The following PSMD11 variants were observed in gnomAD, a reference collection of about 807,000 sequenced individuals.
PSMD11 encodes proteasome 26S subunit, non-ATPase 11.
In PSMD11, 5 loss-of-function variants were observed where a neutral mutation model predicts 62.3. The ratio of observed to expected loss-of-function variants is 0.08; its 90% CI spans 0.04 to 0.17. PSMD11 has a LOEUF of 0.17. PSMD11 is among the 10% of genes least tolerant of loss of function. PSMD11 has a pLI of 1.00. For synonymous variants in PSMD11, 191 were observed against 191.8 expected (o/e 1.00, Z 0.03); for missense variants, 310 against 512.9 (o/e 0.60, Z 3.82).
chr17:32,480,685 G>C, intron 13 of PSMD11, 54 bp downstream of exon 13: 2 of 1,594,402 alleles, frequency 1.3e-6, no homozygotes, highest in South Asian at 1.1e-5. Flanking sequence ...TCTGCGTGTC[G>C]AGACTGAAAA....
chr17:32,480,524 T>G lies in PSMD11; in HGVS notation c.1162T>G (p.Phe388Val). The change falls in exon 13 of 14, where the codon TTC becomes GTC. Residue 388 changes from phenylalanine (F) to valine (V), a missense_variant. Physicochemically the swap from Phe to Val is conservative, Grantham distance 50. Around this residue, in one of 6 missense-constraint regions of PSMD11, gnomAD observed 135 missense variants for 195.4 expected, o/e 0.69. Transcript: ENST00000261712. ...LDQGEGVLII[F>V]DEPPVDKTYE... The stretch of plus-strand genomic sequence containing the variant: ...CCAGGGGGAGGGTGTCCTGATTATT[T>G]TCGATGAACCCCCAGTAGATAAAAC... 6.2e-7 allele frequency: 1 copy of G among 1,614,156 alleles called. No homozygotes were observed. Among genetic ancestry groups the G allele is most frequent in the Non-Finnish European group, 8.5e-7 (1 of 1,180,020 alleles).
intron 5 of PSMD11, among the ~76,000 whole-genome samples, chr17:32,466,453 C>G (rs912077710): frequency 6.6e-6 from 1 of 152,150 alleles, no homozygotes; most frequent in African/African-American, 2.4e-5. Flanking sequence ...TCTTCTTTCA[C>G]GTAGCATTAT....
chr17:32,444,946 C>T (rs1907285870), intron 1 of PSMD11: 1 of 417,324 alleles, frequency 2.4e-6, no homozygotes, highest in East Asian at 5.3e-5. Flanking sequence ...GGTCTGGGAC[C>T]CGGAGCAGTG....
At position 32,468,984 on chromosome 17, in the gene PSMD11, C is replaced by G; in HGVS notation, c.449-15C>G. The G allele has an allele frequency of 1.9e-6, 3 of 1,609,166 alleles. No homozygotes were observed. Among genetic ancestry groups the G allele is most frequent in the Non-Finnish European group, 2.5e-6 (3 of 1,177,658 alleles). On this transcript the variant is annotated splice_polypyrimidine_tract_variant and intron_variant, in intron 5 of 13. Coordinates refer to ENST00000261712, the MANE Select transcript of PSMD11 (RefSeq NM_002815.4). ...AGCTGATGGCTATAAAGGAGAATGT[C>G]TTTTCCTTTTTCAGGTTCTCAGCTG... is the stretch of plus-strand genomic sequence containing the variant.
At chr17:32,452,867 G>T (rs1907549218) in intron 2 of PSMD11, among the ~76,000 whole-genome samples, 1 of 152,166 alleles carries the variant, frequency 6.6e-6, no homozygotes. Flanking sequence ...AGTAGAGTTT[G>T]TTCAGAGGAG....
chr17:32,473,303 G>T (rs1479482893), intron 6 of PSMD11, among the ~76,000 whole-genome samples: 1 of 150,528 alleles, frequency 6.6e-6, no homozygotes, highest in Non-Finnish European at 1.5e-5. Context: ...TGAGACGGAA[G>T]TTTGCCCTTG....
In PSMD11 at chr17:32,480,938, C is replaced by A; in HGVS notation, c.*186C>A. On this transcript the variant is annotated 3_prime_UTR_variant, in exon 14 of 14. Coordinates refer to ENST00000261712, the MANE Select transcript of PSMD11 (RefSeq NM_002815.4). ...AGTTTTCATGTAATCTTTACTGGCC[C>A]AACTTGGGAGTGGGGAAATTGCTTA... The A allele has an allele frequency of 7.9e-6, 2 of 252,712 alleles. No homozygotes were observed. The highest frequency in any genetic ancestry group is 2.3e-5 in the African/African-American group (1 of 43,698). 15.7% of individuals were successfully genotyped at this position (252,712 alleles called of 1,614,324 possible).
intron 2 of PSMD11, among the ~76,000 whole-genome samples, chr17:32,452,267 T>A (rs377126156): frequency 6.6e-5 from 10 of 152,334 alleles, no homozygotes; most frequent in African/African-American, 2.4e-4. Flanking sequence ...AGGAATGATA[T>A]AGACTGTATA....
chr17:32,480,083 C>T, intron 11 of PSMD11, 63 bp from the exon 12 acceptor site: 1 of 1,564,108 alleles, frequency 6.4e-7, no homozygotes, highest in Non-Finnish European at 8.8e-7. Context: ...AACAAAGCTA[C>T]TGTGTCAGGG....
chr17:32,464,392 CTT>C (rs1417796742), intron 4 of PSMD11, 127 bp from the exon 5 acceptor site: 21 of 794,520 alleles, frequency 2.6e-5, no homozygotes, highest in Non-Finnish European at 3.6e-5. Flanking sequence ...TAGATCGTCT[CTT>C]ATGCTGAATT....
At chr17:32,474,190 C>T (rs943084555) in intron 7 of PSMD11, 4 of 542,200 alleles carry the variant, frequency 7.4e-6, no homozygotes, top group Non-Finnish European at 1.3e-5. Context: ...GAGAATTCTC[C>T]TCATCCTTTA....
intron 5 of PSMD11, among the ~76,000 whole-genome samples, chr17:32,466,050 C>A (rs11658159): frequency 0.38 from 57,513 of 151,862 alleles, 11,866 homozygotes; most frequent in Non-Finnish European, 0.45. Flanking sequence ...GGCTGGAGTG[C>A]AGGGGTGTGA....
chr17:32,459,331 A>G (rs1388307367), intron 3 of PSMD11, among the ~76,000 whole-genome samples: 1 of 151,464 alleles, frequency 6.6e-6, no homozygotes, highest in Non-Finnish European at 1.5e-5. Flanking sequence ...TGATTCTCCC[A>G]CCTCAGCCTC....
intron 10 of PSMD11, 95 bp downstream of exon 10, chr17:32,479,471 G>T: frequency 6.7e-7 from 1 of 1,495,078 alleles, no homozygotes; most frequent in Non-Finnish European, 9.0e-7. Context: ...CACTTCTAGG[G>T]GTGTGCCTGG....
intron 2 of PSMD11, among the ~76,000 whole-genome samples, chr17:32,453,576 A>G (rs1336471583): frequency 6.6e-6 from 1 of 152,164 alleles, no homozygotes; most frequent in Non-Finnish European, 1.5e-5. Flanking sequence ...TTGAATTAGC[A>G]TTCTCTGGAG....
At chr17:32,473,653 G>A in intron 6 of PSMD11, 148 bp from the exon 7 acceptor site, 1 of 688,316 alleles carries the variant, frequency 1.5e-6, no homozygotes, top group East Asian at 2.8e-5. Flanking sequence ...GGGCTCACAT[G>A]ATCCTCCCAT....
intron 3 of PSMD11, among the ~76,000 whole-genome samples, chr17:32,458,045 G>A (rs772204239): frequency 6.6e-6 from 1 of 151,906 alleles, no homozygotes; most frequent in African/African-American, 2.4e-5. Context: ...GTGATCTGCC[G>A]GCCTCAGCCT....
chr17:32,450,545 G>A (rs1290836075), intron 2 of PSMD11, among the ~76,000 whole-genome samples: 1 of 151,788 alleles, frequency 6.6e-6, no homozygotes, highest in Non-Finnish European at 1.5e-5. Flanking sequence ...GGGATTCCAG[G>A]TGTGAGCCAC....
At chr17:32,479,969 T>G (rs1214219349) in intron 11 of PSMD11, 83 bp downstream of exon 11, 2 of 1,530,470 alleles carry the variant, frequency 1.3e-6, no homozygotes, top group Non-Finnish European at 1.8e-6. Flanking sequence ...TTGGCCTCAT[T>G]GGAAAGCTCC....
Sources: gnomAD v4.1 joint callset for allele counts (sites outside exome capture counted in the v4.1 genomes callset) on GRCh38, gnomAD v4.1.1 for gene constraint, gnomAD v4.1.1 regional missense constraint, MANE v1.5 for transcripts, NCBI Gene and HGNC (gene_info 2026-07-23, HGNC 2026-07-21) for gene names.